The following STARD7 variants were observed in gnomAD, a reference collection of about 807,000 sequenced individuals.
The protein encoded by STARD7 is stAR-related lipid transfer protein 7, mitochondrial.
A neutral mutation model predicts 45.3 loss-of-function variants in STARD7; 30 were observed. The observed-to-expected ratio is 0.66, with a 90% CI of 0.50 to 0.90. STARD7 has a LOEUF of 0.90. STARD7 is among the 40% of genes least tolerant of loss of function. The pLI, the probability that STARD7 is intolerant of heterozygous loss-of-function variation, is 0.00. For synonymous variants in STARD7, 199 were observed against 183.0 expected (o/e 1.09, Z -0.70); for missense variants, 495 against 491.3 (o/e 1.01, Z -0.07).
intron 1 of STARD7, among the ~76,000 whole-genome samples, chr2:96,197,144 G>A (rs1330181844): frequency 2.2e-5 from 3 of 138,286 alleles, no homozygotes; most frequent in Non-Finnish European, 3.3e-5. Flanking sequence ...AACGGCTCAC[G>A]CCTGTAATCC....
intron 1 of STARD7, among the ~76,000 whole-genome samples, chr2:96,204,768 T>G (rs1338543279): frequency 9.4e-6 from 1 of 106,804 alleles, no homozygotes; most frequent in Non-Finnish European, 2.0e-5. Flanking sequence ...AAAAAAAAGT[T>G]CCTTTAAGGC....
chr2:96,188,230 G>A (rs1311547268), intron 6 of STARD7: 1 of 145,462 alleles, frequency 6.9e-6, no homozygotes, highest in Non-Finnish European at 1.5e-5. Context: ...AGCACAGATT[G>A]AGCCACTGTA....
intron 1 of STARD7, 60 bp downstream of exon 1, chr2:96,208,085 C>T: frequency 6.9e-7 from 1 of 1,458,436 alleles, no homozygotes; most frequent in Non-Finnish European, 9.1e-7. Flanking sequence ...ACAGGGCAGG[C>T]CCCAGGGTTC....
Position 96,194,944 on chromosome 2 carries a change from A to G in STARD7, c.549+14T>C. The G allele has an allele frequency of 1.2e-6, 2 of 1,605,380 alleles. No individual in the cohort carries two copies. The highest frequency in any genetic ancestry group is 1.7e-6 in the Non-Finnish European group (2 of 1,175,594). ...GCTAGGAGGCTCCAAATCTGGAGAG[A>G]AAAATTAACTCACCTGAACATTGAA... On this transcript the variant is annotated intron_variant, in intron 3 of 7. Transcript: ENST00000337288.
chr2:96,192,093 T>C (rs538811128), intron 6 of STARD7, among the ~76,000 whole-genome samples: 1 of 152,332 alleles, frequency 6.6e-6, no homozygotes, highest in South Asian at 2.1e-4. Flanking sequence ...AGAATGCTAC[T>C]GATACAGGCT....
At chr2:96,207,627 T>C (rs545117560) in intron 1 of STARD7, among the ~76,000 whole-genome samples, 1 of 152,334 alleles carries the variant, frequency 6.6e-6, no homozygotes, top group African/African-American at 2.4e-5. Flanking sequence ...GGCTGCTGGT[T>C]TGTGTAACCT....
At chr2:96,197,360 G>A (rs950224616) in intron 1 of STARD7, among the ~76,000 whole-genome samples, 7 of 151,914 alleles carry the variant, frequency 4.6e-5, no homozygotes, top group African/African-American at 1.5e-4. Context: ...AGCCAAGATC[G>A]CACCATTGCA....
At chr2:96,198,977 A>C (rs1683265743) in intron 1 of STARD7, among the ~76,000 whole-genome samples, 1 of 152,224 alleles carries the variant, frequency 6.6e-6, no homozygotes, top group African/African-American at 2.4e-5. Flanking sequence ...TCCTTGTTGA[A>C]AACTGACCAA....
rs910866958 is a variant in STARD7, at chr2:96,185,964, TAGG to T, written c.*763_*765del. 2 of 152,104 alleles carry T rather than the reference TAGG, an allele frequency of 1.3e-5. No individual in the cohort carries two copies. Among genetic ancestry groups the T allele is most frequent in the Non-Finnish European group, 1.5e-5 (1 of 68,018 alleles). 9.4% of individuals were successfully genotyped at this position (152,104 alleles called of 1,614,324 possible). The stretch of plus-strand genomic sequence containing the variant: ...AGTGTTCTTGGTAAATGGGGAAGGT[TAGG>T]AAGGAGGCAATGATCCAATGAATAT... On this transcript the variant is annotated 3_prime_UTR_variant, in exon 8 of 8. Transcript: ENST00000337288.
At chr2:96,187,151 T>C (rs1183005151) in intron 7 of STARD7, 66 bp downstream of exon 7, 3 of 1,235,246 alleles carry the variant, frequency 2.4e-6, no homozygotes, top group African/African-American at 1.5e-5. Flanking sequence ...ATTTCCCCAT[T>C]AGGAAATAGA....
rs544687341 is a variant in STARD7, at chr2:96,192,109, G to A, written c.843+260C>T. Among the ~76,000 whole-genome samples the A allele has an allele frequency of 3.3e-5, 5 of 152,264 alleles. No homozygotes were observed. The South Asian group carries it at 6.2e-4, about 19-fold the overall frequency. On this transcript the variant is annotated intron_variant, in intron 6 of 7. Coordinates refer to ENST00000337288, the MANE Select transcript of STARD7 (RefSeq NM_020151.4). ...GAATGCTACTGATACAGGCTAATGC[G>A]TCAGTGGCTATGATTCTTTTAACTA... is the stretch of plus-strand genomic sequence containing the variant.
rs1393785295 is a variant in STARD7, at chr2:96,186,303, TGA to T, written c.*425_*426del. ...AGAGCACTCCCAGTAGCCCCTCATT[TGA>T]GAGACTCAACTGGCCAACTATACTT... On this transcript the variant is annotated 3_prime_UTR_variant, in exon 8 of 8. Transcript: ENST00000337288. The T allele has an allele frequency of 2.6e-5, 4 of 155,776 alleles. No homozygotes were observed. Among genetic ancestry groups the T allele is most frequent in the African/African-American group, 9.6e-5 (4 of 41,590 alleles). The allele number at this position is 155,776 out of a possible 1,614,324, so 9.6% of individuals were successfully genotyped here.
At chr2:96,194,843 G>T in intron 3 of STARD7, 115 bp downstream of exon 3, 1 of 805,776 alleles carries the variant, frequency 1.2e-6, no homozygotes, top group Non-Finnish European at 2.0e-6. Flanking sequence ...TGGATGACAG[G>T]TAGATAGATG....
intron 3 of STARD7, among the ~76,000 whole-genome samples, chr2:96,194,195 A>G (rs1231493152): frequency 6.6e-6 from 1 of 152,124 alleles, no homozygotes; most frequent in East Asian, 1.9e-4. Context: ...CCCTGTCTCT[A>G]AGAAAAAAAA....
chr2:96,199,038 T>C (rs1397944517), intron 1 of STARD7, among the ~76,000 whole-genome samples: 1 of 152,252 alleles, frequency 6.6e-6, no homozygotes, highest in Non-Finnish European at 1.5e-5. Context: ...ACAATCTAGA[T>C]GTCTATCCTT....
At chr2:96,197,694 C>T (rs761199034) in intron 1 of STARD7, among the ~76,000 whole-genome samples, 7 of 152,134 alleles carry the variant, frequency 4.6e-5, no homozygotes, top group Non-Finnish European at 7.4e-5. Context: ...ATTTTTATCA[C>T]CCCCAAAAGA....
intron 1 of STARD7, among the ~76,000 whole-genome samples, chr2:96,201,690 C>G (rs1166896756): frequency 6.6e-6 from 1 of 151,640 alleles, no homozygotes; most frequent in Non-Finnish European, 1.5e-5. Flanking sequence ...CCCAGCTACT[C>G]AGCAGGCTGA....
chr2:96,208,242 G>A lies in STARD7; in HGVS notation c.193C>T (p.Leu65=), dbSNP rs1349730631. The part of the protein sequence containing the change: ...RVLLGRLWRR[L]HGRPGHASAL... The stretch of plus-strand genomic sequence containing the variant: ...GAGGCATGGCCAGGACGGCCGTGCA[G>A]CCGGCGCCAGAGGCGGCCGAGGAGA... The change falls in exon 1 of 8, where the codon CTG becomes TTG. Residue 65 remains leucine (L), a synonymous_variant. Coordinates refer to ENST00000337288, the MANE Select transcript of STARD7 (RefSeq NM_020151.4). The A allele has an allele frequency of 1.2e-6, 2 of 1,612,272 alleles. No individual in the cohort carries two copies.
intron 1 of STARD7, among the ~76,000 whole-genome samples, chr2:96,202,588 T>C (rs570102142): frequency 6.0e-4 from 91 of 152,318 alleles, no homozygotes; most frequent in African/African-American, 2.1e-3. Flanking sequence ...TACAGCATTT[T>C]TGAGGTCTAT....
Sources: gnomAD v4.1 joint callset for allele counts (sites outside exome capture counted in the v4.1 genomes callset) on GRCh38, gnomAD v4.1.1 for gene constraint, MANE v1.5 for transcripts, NCBI Gene and HGNC (gene_info 2026-07-23, HGNC 2026-07-21) for gene names.